CACNA2D3: variants seen among roughly 807,000 people sequenced by gnomAD.
The protein encoded by CACNA2D3 is calcium voltage-gated channel auxiliary subunit alpha2delta 3.
Under a neutral mutation model 160.6 loss-of-function variants are expected in CACNA2D3, and 60 were observed. The observed-to-expected ratio is 0.37, with a 90% confidence interval of 0.30 to 0.46. CACNA2D3 has a LOEUF of 0.46. Among genes scored for constraint, CACNA2D3 ranks in the 20% least tolerant of loss-of-function variants. The pLI, the probability that CACNA2D3 is intolerant of heterozygous loss-of-function variation, is 1.00. For synonymous variants in CACNA2D3, 558 were observed against 492.9 expected (o/e 1.13, Z -1.75); for missense variants, 1,205 against 1,365.0 (o/e 0.88, Z 1.85).
chr3:54,301,124 G>C (rs192861864), intron 2 of CACNA2D3, among the ~76,000 whole-genome samples: 9 of 152,154 alleles, frequency 5.9e-5, no homozygotes, highest in African/African-American at 1.9e-4. Context: ...AGGCTTGGTG[G>C]TGCAGATGTG....
In CACNA2D3 at chr3:54,581,221, T is replaced by TG. The variant is rs960619751; in HGVS notation, c.889-575dup. Among the ~76,000 whole-genome samples the TG allele has an allele frequency of 2.7e-4, 41 of 152,122 alleles. No homozygotes were observed. The South Asian group carries it at 3.9e-3, about 15-fold the overall frequency. ...GTGAGCTTCGGGCAAATAAAAAGTGTGGGGGGGTCCTATTCTGGATATTCT... is the reference window on the plus strand; with the variant it reads ...GTGAGCTTCGGGCAAATAAAAAGTGTGGGGGGGGTCCTATTCTGGATATTCT... On this transcript the variant is annotated intron_variant, in intron 8 of 37. Transcript: ENST00000474759.
intron 32 of CACNA2D3, among the ~76,000 whole-genome samples, chr3:55,006,353 C>T (rs959884538): frequency 2.0e-5 from 3 of 152,164 alleles, no homozygotes; most frequent in African/African-American, 4.8e-5. Flanking sequence ...CTCTTTCCCC[C>T]GCAACCTCCA....
chr3:54,222,262 C>T (rs1209307125), intron 2 of CACNA2D3, among the ~76,000 whole-genome samples: 1 of 152,134 alleles, frequency 6.6e-6, no homozygotes, highest in Non-Finnish European at 1.5e-5. Context: ...GAGTCTGAAG[C>T]CCCCAGAACC....
At chr3:54,711,726 A>T (rs1700957098) in intron 11 of CACNA2D3, among the ~76,000 whole-genome samples, 2 of 152,188 alleles carry the variant, frequency 1.3e-5, no homozygotes, top group African/African-American at 4.8e-5. Flanking sequence ...GGACTCTGGG[A>T]AAAAGGAGAA....
chr3:54,731,362 T>C (rs1282782861), intron 11 of CACNA2D3, among the ~76,000 whole-genome samples: 1 of 152,204 alleles, frequency 6.6e-6, no homozygotes, highest in African/African-American at 2.4e-5. Context: ...ACTGTATCCT[T>C]CTCATTCACT....
chr3:54,380,964 T>C (rs984394166), intron 3 of CACNA2D3, among the ~76,000 whole-genome samples: 6 of 152,186 alleles, frequency 3.9e-5, no homozygotes, highest in Admixed American at 3.3e-4. Flanking sequence ...CCCAAATCCA[T>C]GTTCATGATT....
chr3:54,636,005 A>T (rs1349952154), intron 10 of CACNA2D3, among the ~76,000 whole-genome samples: 1 of 151,964 alleles, frequency 6.6e-6, no homozygotes, highest in Admixed American at 6.5e-5. Context: ...CTAATTTGCC[A>T]GTCCTGGGTG....
chr3:54,602,966 T>G (rs11130429), intron 9 of CACNA2D3, among the ~76,000 whole-genome samples: 44,286 of 152,036 alleles, frequency 0.29, 7,852 homozygotes, highest in East Asian at 0.48. Flanking sequence ...CAAACTCAAG[T>G]TGAAGCAGTG....
At chr3:54,673,371 T>C (rs1451472879) in intron 11 of CACNA2D3, among the ~76,000 whole-genome samples, 1 of 152,220 alleles carries the variant, frequency 6.6e-6, no homozygotes, top group East Asian at 1.9e-4. Flanking sequence ...GCACCTTTAG[T>C]GTGCTTGAAA....
chr3:54,974,226 T>C (rs1702334710), intron 29 of CACNA2D3, among the ~76,000 whole-genome samples: 1 of 152,170 alleles, frequency 6.6e-6, no homozygotes, highest in Non-Finnish European at 1.5e-5. Context: ...CCAATAAACA[T>C]TTGCTGAGCA....
chr3:54,245,120 C>G (rs1216121568), intron 2 of CACNA2D3, among the ~76,000 whole-genome samples: 1 of 152,122 alleles, frequency 6.6e-6, no homozygotes, highest in Non-Finnish European at 1.5e-5. Context: ...TCAACAATGT[C>G]TTTGGACAAT....
chr3:55,013,073 T>G (rs1044694598), intron 34 of CACNA2D3, among the ~76,000 whole-genome samples: 3 of 152,194 alleles, frequency 2.0e-5, no homozygotes, highest in Non-Finnish European at 4.4e-5. Context: ...CTGTGAGACC[T>G]CCTTTCCACA....
At chr3:54,936,832 T>A (rs1003774688) in intron 27 of CACNA2D3, among the ~76,000 whole-genome samples, 6 of 152,168 alleles carry the variant, frequency 3.9e-5, no homozygotes, top group Admixed American at 6.5e-5. Context: ...AACATTGTGT[T>A]CAACAAGCAA....
intron 2 of CACNA2D3, among the ~76,000 whole-genome samples, chr3:54,147,052 T>A (rs1700045043): frequency 6.6e-6 from 1 of 152,388 alleles, no homozygotes; most frequent in South Asian, 2.1e-4. Context: ...TTGCCTTTTC[T>A]GCATCAGAAC....
intron 2 of CACNA2D3, among the ~76,000 whole-genome samples, chr3:54,219,594 C>T (rs576353965): frequency 1.4e-4 from 22 of 152,276 alleles, no homozygotes; most frequent in African/African-American, 4.3e-4. Flanking sequence ...TTCTACTTGG[C>T]ATTACAATCT....
At chr3:54,310,057 C>T (rs1332371306) in intron 2 of CACNA2D3, among the ~76,000 whole-genome samples, 2 of 151,974 alleles carry the variant, frequency 1.3e-5, no homozygotes, top group Non-Finnish European at 2.9e-5. Context: ...CAAGGATTGT[C>T]CTCAAACTTC....
intron 25 of CACNA2D3, chr3:54,894,597 T>C (rs1164446172): frequency 1.9e-6 from 1 of 516,170 alleles, no homozygotes; most frequent in Non-Finnish European, 3.9e-6. Flanking sequence ...TTAGCTGTAA[T>C]GACCACTGAA....
chr3:54,880,967 C>A, intron 21 of CACNA2D3, 104 bp downstream of exon 21: 1 of 930,952 alleles, frequency 1.1e-6, no homozygotes, highest in Non-Finnish European at 1.8e-6. Flanking sequence ...GCACCTGTGA[C>A]CAGTCCCTTG....
chr3:54,792,136 G>C (rs1037786453), intron 13 of CACNA2D3, among the ~76,000 whole-genome samples: 2 of 152,200 alleles, frequency 1.3e-5, no homozygotes, highest in South Asian at 4.1e-4. Flanking sequence ...TGTGACACCT[G>C]AGTGTTTTCC....
Sources: gnomAD v4.1 joint callset for allele counts (sites outside exome capture counted in the v4.1 genomes callset) on GRCh38, gnomAD v4.1.1 for gene constraint, MANE v1.5 for transcripts, NCBI Gene and HGNC (gene_info 2026-07-23, HGNC 2026-07-21) for gene names.